ARHGAP26: variants seen among roughly 807,000 people sequenced by gnomAD.
ARHGAP26 encodes the protein rho GTPase-activating protein 26.
Under a neutral mutation model 104.8 loss-of-function variants are expected in ARHGAP26, and 38 were observed. The ratio of observed to expected loss-of-function variants is 0.36; its 90% CI spans 0.28 to 0.48. The LOEUF (loss-of-function observed/expected upper bound fraction) is 0.48, where lower values mean the gene tolerates loss of function less well. ARHGAP26 is among the 20% of genes least tolerant of loss of function. The probability of loss-of-function intolerance (pLI) is 0.99; values close to 1 mark genes in which losing one functional copy is unlikely to be tolerated. For missense variants in ARHGAP26, 704 were observed against 947.9 expected (o/e 0.74, Z 3.38); for synonymous variants, 341 against 340.0 (o/e 1.00, Z -0.03).
chr5:143,212,219 T>A (rs1438111687), intron 21 of ARHGAP26, among the ~76,000 whole-genome samples: 2 of 152,220 alleles, frequency 1.3e-5, no homozygotes, highest in African/African-American at 4.8e-5. Flanking sequence ...CCCTGGCTAA[T>A]GTGAACTGGA....
intron 1 of ARHGAP26, among the ~76,000 whole-genome samples, chr5:142,786,076 T>A (rs1758554928): frequency 1.3e-5 from 2 of 151,686 alleles, no homozygotes; most frequent in South Asian, 4.2e-4. Context: ...GCACAAGCAA[T>A]CCTCCCACCT....
intron 12 of ARHGAP26, among the ~76,000 whole-genome samples, chr5:143,015,377 A>C (rs1312606287): frequency 6.6e-6 from 1 of 152,178 alleles, no homozygotes; most frequent in Non-Finnish European, 1.5e-5. Flanking sequence ...GCTAGGCTTG[A>C]GAATAGATGA....
intron 12 of ARHGAP26, among the ~76,000 whole-genome samples, chr5:143,016,480 G>A (rs988748361): frequency 6.6e-6 from 1 of 152,068 alleles, no homozygotes; most frequent in African/African-American, 2.4e-5. Flanking sequence ...CGAGGCGGGC[G>A]GATCACAAGG....
intron 20 of ARHGAP26, among the ~76,000 whole-genome samples, chr5:143,167,307 T>A (rs1164597406): frequency 1.0e-5 from 1 of 96,900 alleles, no homozygotes; most frequent in Admixed American, 1.1e-4. Context: ...ATCTCTACTT[T>A]AAAAAAAAAA....
intron 10 of ARHGAP26, among the ~76,000 whole-genome samples, chr5:142,913,615 A>C (rs144896339): frequency 0.012 from 1,787 of 152,326 alleles, 37 homozygotes; most frequent in African/African-American, 0.041. Flanking sequence ...CAGGAGATTG[A>C]GTAGTAGACT....
At chr5:142,891,318 A>G (rs1758628843) in intron 5 of ARHGAP26, among the ~76,000 whole-genome samples, 1 of 151,920 alleles carries the variant, frequency 6.6e-6, no homozygotes, top group Admixed American at 6.5e-5. Flanking sequence ...GTCTTAGAAA[A>G]TGCCCCCAGT....
rs2150941453 is a variant in ARHGAP26, at chr5:143,140,369, C to CT, written c.1837+6265dup. ...AATGTCATCTCTATCACCTACCACT[C>CT]TGAGACCTGGAGTACGTTACTTTCC... On this transcript the variant is annotated intron_variant, in intron 19 of 22. Transcript: ENST00000645722. Among the ~76,000 whole-genome samples the CT allele has an allele frequency of 1.3e-5, 2 of 152,294 alleles. 1 individual carries two copies. The highest frequency in any genetic ancestry group is 2.9e-5 in the Non-Finnish European group (2 of 68,016).
chr5:143,088,258 T>C (rs2150503751), intron 17 of ARHGAP26, among the ~76,000 whole-genome samples: 1 of 152,354 alleles, frequency 6.6e-6, no homozygotes, highest in African/African-American at 2.4e-5. Flanking sequence ...CACTAAACTG[T>C]AAGCCCTATG....
intron 11 of ARHGAP26, among the ~76,000 whole-genome samples, chr5:142,960,515 T>C (rs1468529862): frequency 1.3e-5 from 2 of 152,246 alleles, no homozygotes; most frequent in African/African-American, 4.8e-5. Context: ...ATTAGTCACC[T>C]AGTAGCCATC....
At chr5:142,803,952 A>G (rs1263634162) in intron 1 of ARHGAP26, among the ~76,000 whole-genome samples, 1 of 152,192 alleles carries the variant, frequency 6.6e-6, no homozygotes, top group Non-Finnish European at 1.5e-5. Flanking sequence ...ACTTTGTATC[A>G]GCACTGGTAG....
At position 142,808,234 on chromosome 5, in the gene ARHGAP26, C is replaced by T. The variant is rs570299401; in HGVS notation, c.154+37319C>T. Among the ~76,000 whole-genome samples, 5 of 52,658 alleles carry T rather than the reference C, an allele frequency of 9.5e-5. 1 individual carries two copies. Among genetic ancestry groups the T allele is most frequent in the Non-Finnish European group, 1.4e-4 (5 of 35,380 alleles). 34.5% of individuals were successfully genotyped at this position (52,658 alleles called of 152,430 possible). On this transcript the variant is annotated intron_variant, in intron 1 of 22. Transcript: ENST00000645722. ...TGGGCAACAGAGTGAGACATTGTCT[C>T]GGAAAAAAAAAAAAAAAAAAAAAAA...
At chr5:142,997,705 C>G (rs976105184) in intron 11 of ARHGAP26, among the ~76,000 whole-genome samples, 3 of 151,620 alleles carry the variant, frequency 2.0e-5, no homozygotes, top group Non-Finnish European at 4.4e-5. Flanking sequence ...GTGGGAGATA[C>G]TGCACCTAGC....
intron 17 of ARHGAP26, among the ~76,000 whole-genome samples, chr5:143,087,662 T>TTTTTTG (rs1790797248): frequency 1.4e-4 from 20 of 141,632 alleles, no homozygotes; most frequent in East Asian, 4.1e-4. Context: ...TTTTTTTTTT[T>TTTTTTG]GAGACGGAGT....
At chr5:142,996,097 G>A (rs930384018) in intron 11 of ARHGAP26, among the ~76,000 whole-genome samples, 2 of 152,130 alleles carry the variant, frequency 1.3e-5, no homozygotes, top group Admixed American at 6.5e-5. Context: ...TGTAGGTGAC[G>A]GGTTGACGGG....
chr5:143,224,381 A>G lies in ARHGAP26; in HGVS notation c.*1935A>G, dbSNP rs538854488. 2 of 229,764 alleles carry G rather than the reference A, an allele frequency of 8.7e-6. No homozygotes were observed. Among genetic ancestry groups the G allele is most frequent in the East Asian group, 6.2e-5 (1 of 16,128 alleles). The allele number at this position is 229,764 out of a possible 1,614,324, so 14.2% of individuals were successfully genotyped here. A position where few individuals can be genotyped will look rare whatever the true frequency, so the allele number is the denominator to read the frequency against. ...GACACATCAGTGGTGTTCAGTCTTT[A>G]TGTGTTTTTAAGCATCCCTTGGGCT... On this transcript the variant is annotated 3_prime_UTR_variant, in exon 23 of 23. Coordinates refer to ENST00000645722, the MANE Select transcript of ARHGAP26 (RefSeq NM_001135608.3).
At chr5:142,896,169 C>A (rs983749922) in intron 6 of ARHGAP26, among the ~76,000 whole-genome samples, 7 of 152,232 alleles carry the variant, frequency 4.6e-5, no homozygotes, top group African/African-American at 1.7e-4. Context: ...TTCCTGTGGT[C>A]AGGGCAGGAA....
intron 5 of ARHGAP26, among the ~76,000 whole-genome samples, chr5:142,890,151 AATATATATATAT>A (rs752591382): frequency 2.3e-3 from 74 of 32,388 alleles, no homozygotes; most frequent in South Asian, 2.9e-3. Context: ...AAAAAAAAAA[AATATATATATAT>A]ATATATATAT....
intron 11 of ARHGAP26, among the ~76,000 whole-genome samples, chr5:143,004,771 A>G (rs1004837641): frequency 2.6e-5 from 4 of 152,202 alleles, no homozygotes; most frequent in Non-Finnish European, 5.9e-5. Flanking sequence ...AGGGAAACAC[A>G]TCTTGCAGAG....
intron 1 of ARHGAP26, among the ~76,000 whole-genome samples, chr5:142,824,607 G>C (rs539573427): frequency 6.6e-6 from 1 of 152,278 alleles, no homozygotes; most frequent in Admixed American, 6.5e-5. Flanking sequence ...ATTAAAAGGA[G>C]GTTGATTACA....
Sources: allele counts gnomAD v4.1 joint callset (sites outside exome capture counted in the v4.1 genomes callset), GRCh38; gene constraint gnomAD v4.1.1; transcripts MANE v1.5; gene names NCBI Gene and HGNC (gene_info 2026-07-23, HGNC 2026-07-21).